The following FOCAD variants were observed in gnomAD, a reference collection of about 807,000 sequenced individuals.
FOCAD encodes focadhesin, also known as KIAA1797.
In FOCAD, 198 loss-of-function variants were observed where a neutral mutation model predicts 225.6. The ratio of observed to expected loss-of-function variants is 0.88; its 90% CI spans 0.78 to 0.99. The LOEUF (loss-of-function observed/expected upper bound fraction) is 0.99. Among genes scored for constraint, FOCAD ranks in the 50% least tolerant of loss-of-function variants. FOCAD has a pLI of 0.00. For missense variants in FOCAD, 2,713 were observed against 2,123.6 expected (o/e 1.28, Z -5.46); for synonymous variants, 897 against 755.0 (o/e 1.19, Z -3.08).
At chr9:20,993,551 T>C (rs1321923530) in intron 43 of FOCAD, among the ~76,000 whole-genome samples, 2 of 152,236 alleles carry the variant, frequency 1.3e-5, no homozygotes, top group Non-Finnish European at 1.5e-5. Flanking sequence ...AGTTTATTTA[T>C]GTTTCATACA....
intron 15 of FOCAD, among the ~76,000 whole-genome samples, chr9:20,854,637 G>A (rs542830806): frequency 2.0e-5 from 3 of 151,572 alleles, no homozygotes; most frequent in Non-Finnish European, 4.4e-5. Context: ...AGATTCTTGC[G>A]GAAGAATGAC....
chr9:20,813,930 A>C (rs1241756389), intron 11 of FOCAD, among the ~76,000 whole-genome samples: 2 of 152,136 alleles, frequency 1.3e-5, no homozygotes, highest in Middle Eastern at 3.2e-3. Context: ...CATATATATA[A>C]TTATCGTATT....
intron 3 of FOCAD, among the ~76,000 whole-genome samples, chr9:20,718,944 T>TA (rs1825560555): frequency 1.3e-5 from 2 of 152,204 alleles, no homozygotes; most frequent in African/African-American, 2.4e-5. Flanking sequence ...TCCTTATGAA[T>TA]AAAAGGAGAA....
At chr9:20,747,755 A>G (rs1329334731) in intron 5 of FOCAD, among the ~76,000 whole-genome samples, 1 of 150,628 alleles carries the variant, frequency 6.6e-6, no homozygotes, top group Admixed American at 6.6e-5. Flanking sequence ...CTTTTAATCC[A>G]TTCCATAGAT....
In FOCAD at chr9:20,986,781, T is replaced by A. The variant is rs114963872; in HGVS notation, c.4906+316T>A. 6.6e-3 allele frequency among the ~76,000 whole-genome samples: 998 copies of A among 152,322 alleles called. 13 individuals carry two copies. Among genetic ancestry groups the A allele is most frequent in the African/African-American group, 0.023 (940 of 41,570 alleles). On this transcript the variant is annotated intron_variant, in intron 40 of 43. Transcript: ENST00000338382. ...TTCCCAAAACACACAAGATATCAAT[T>A]GATTCTGCCTGATGATTTCATGAAA...
At chr9:20,982,261 T>C in intron 38 of FOCAD, 96 bp from the exon 39 acceptor site, 1 of 783,076 alleles carries the variant, frequency 1.3e-6, no homozygotes, top group Middle Eastern at 2.4e-4. Flanking sequence ...CATCAGCTGC[T>C]GTTCATGGGG....
intron 8 of FOCAD, among the ~76,000 whole-genome samples, chr9:20,776,331 G>A (rs113250919): frequency 0.014 from 2,175 of 152,322 alleles, 51 homozygotes; most frequent in African/African-American, 0.05. Flanking sequence ...AGAACCATTA[G>A]GTTGCACCTG....
chr9:20,810,548 G>A (rs1822947622), intron 11 of FOCAD, among the ~76,000 whole-genome samples: 1 of 152,086 alleles, frequency 6.6e-6, no homozygotes, highest in Non-Finnish European at 1.5e-5. Flanking sequence ...ATGGATACAG[G>A]AATTCAGTCA....
chr9:20,775,283 C>G (rs999675802), intron 8 of FOCAD, among the ~76,000 whole-genome samples: 1 of 152,126 alleles, frequency 6.6e-6, no homozygotes, highest in Admixed American at 6.5e-5. Flanking sequence ...CAGATGTACC[C>G]TGACCAGCAA....
chr9:20,926,676 A>C (rs1187529575), intron 26 of FOCAD, among the ~76,000 whole-genome samples: 2 of 151,872 alleles, frequency 1.3e-5, no homozygotes, highest in African/African-American at 4.8e-5. Flanking sequence ...CCAGCTACTC[A>C]GGAGGCTGAG....
intron 15 of FOCAD, among the ~76,000 whole-genome samples, chr9:20,835,924 G>T (rs1377994436): frequency 6.6e-6 from 1 of 152,038 alleles, no homozygotes. Flanking sequence ...CCTTTCCTGG[G>T]GATTCTTGAC....
intron 28 of FOCAD, among the ~76,000 whole-genome samples, chr9:20,936,831 A>G (rs1323976553): frequency 6.6e-6 from 1 of 152,232 alleles, no homozygotes; most frequent in African/African-American, 2.4e-5. Flanking sequence ...AGAAAACCCC[A>G]TCGTGTCAGC....
rs772990229 is a variant in FOCAD, at chr9:20,671,136, G to A, written c.-78+12310G>A. On this transcript the variant is annotated intron_variant, in intron 2 of 45. Transcript: ENST00000380249. ...ATGGATATAATATAATATAAATGAC[G>A]GATTGTGTCATGGATACATACAACC... Among the ~76,000 whole-genome samples the A allele has an allele frequency of 6.6e-5, 10 of 151,920 alleles. No homozygotes were observed. In the East Asian group the frequency reaches 9.7e-4, roughly 15 times the overall value.
Position 20,984,314 on chromosome 9 carries a change from A to G in FOCAD, c.4728+1868A>G, listed in dbSNP as rs1362273341. 3.9e-5 allele frequency among the ~76,000 whole-genome samples: 6 copies of G among 152,224 alleles called. No individual in the cohort carries two copies. In the East Asian group the frequency reaches 1.2e-3, roughly 29 times the overall value. On this transcript the variant is annotated intron_variant, in intron 39 of 43. Transcript: ENST00000338382. Reference sequence around the variant, plus strand: ...ATCTACTGCAGAGAATTGGTGTGAGAATGAGTAAATACAGCAGTTCTCAAA... The same window carrying G: ...ATCTACTGCAGAGAATTGGTGTGAGGATGAGTAAATACAGCAGTTCTCAAA...
chr9:20,806,381 A>C (rs1822457241), intron 11 of FOCAD, among the ~76,000 whole-genome samples: 1 of 152,102 alleles, frequency 6.6e-6, no homozygotes, highest in African/African-American at 2.4e-5. Flanking sequence ...TGTTCAGCCC[A>C]AGGTTGTTAT....
At chr9:20,982,207 A>T in intron 38 of FOCAD, 150 bp from the exon 39 acceptor site, 1 of 498,268 alleles carries the variant, frequency 2.0e-6, no homozygotes. Flanking sequence ...CTTCAAAATG[A>T]TAAAAATTGG....
At chr9:20,938,276 C>G in intron 28 of FOCAD, among the ~76,000 whole-genome samples, 1 of 152,146 alleles carries the variant, frequency 6.6e-6, no homozygotes, top group East Asian at 1.9e-4. Flanking sequence ...AAGACACATG[C>G]ACACGTATGT....
At chr9:20,836,070 C>A (rs1825968426) in intron 15 of FOCAD, among the ~76,000 whole-genome samples, 1 of 152,004 alleles carries the variant, frequency 6.6e-6, no homozygotes, top group South Asian at 2.1e-4. Flanking sequence ...AGATAGTTGT[C>A]CCTGCCCTCT....
At chr9:20,684,960 C>G (rs1203942063) in intron 1 of FOCAD, among the ~76,000 whole-genome samples, 1 of 152,168 alleles carries the variant, frequency 6.6e-6, no homozygotes, top group Non-Finnish European at 1.5e-5. Context: ...GTTGCATTTA[C>G]CCTTCATGAG....
Sources: gnomAD v4.1 joint callset for allele counts (sites outside exome capture counted in the v4.1 genomes callset) on GRCh38, gnomAD v4.1.1 for gene constraint, MANE v1.5 for transcripts, NCBI Gene and HGNC (gene_info 2026-07-23, HGNC 2026-07-21) for gene names.